The following TNIP1 variants were observed in gnomAD, a reference collection of about 807,000 sequenced individuals.
TNIP1 encodes TNFAIP3-interacting protein 1.
A neutral mutation model predicts 86.6 loss-of-function variants in TNIP1; 22 were observed. The observed-to-expected ratio is 0.25, with a 90% CI of 0.18 to 0.36. The LOEUF (loss-of-function observed/expected upper bound fraction) is 0.36. Ranked by LOEUF, TNIP1 falls within the 10% of genes least tolerant of loss-of-function variation. TNIP1 has a pLI of 1.00. For synonymous variants in TNIP1, 294 were observed against 313.0 expected (o/e 0.94, Z 0.64); for missense variants, 709 against 820.6 (o/e 0.86, Z 1.66).
upstream of TNIP1, among the ~76,000 whole-genome samples, chr5:151,083,118 A>C (rs116642115): frequency 6.6e-3 from 1,008 of 152,276 alleles, 9 homozygotes; most frequent in African/African-American, 0.023. Flanking sequence ...AGAAAACACC[A>C]CTGTCATAAA....
chr5:151,082,352 C>G (rs1479068003), upstream of TNIP1, among the ~76,000 whole-genome samples: 1 of 152,066 alleles, frequency 6.6e-6, no homozygotes, highest in African/African-American at 2.4e-5. Context: ...AGGGAGGAAG[C>G]GATGCAAACT....
intron 4 of TNIP1, among the ~76,000 whole-genome samples, chr5:151,061,468 C>A (rs76392995): frequency 0.024 from 3,609 of 150,194 alleles, 145 homozygotes; most frequent in African/African-American, 0.085. Context: ...ACTTCTCCAG[C>A]CAAATCTGTA....
intron 5 of TNIP1, among the ~76,000 whole-genome samples, chr5:151,057,937 C>T (rs1760896519): frequency 6.6e-6 from 1 of 152,270 alleles, no homozygotes; most frequent in South Asian, 2.1e-4. Flanking sequence ...TTTTGGGTAT[C>T]CTCAGGGAGT....
intron 11 of TNIP1, among the ~76,000 whole-genome samples, chr5:151,040,446 C>T (rs1423754019): frequency 1.3e-5 from 2 of 152,222 alleles, no homozygotes; most frequent in African/African-American, 4.8e-5. Flanking sequence ...TTGTTCTGGA[C>T]TCCCCATCAA....
At chr5:151,044,779 G>C (rs746952631) in intron 9 of TNIP1, among the ~76,000 whole-genome samples, 1 of 152,244 alleles carries the variant, frequency 6.6e-6, no homozygotes, top group East Asian at 1.9e-4. Flanking sequence ...GTGTGAGGAG[G>C]GGGAGGAACA....
chr5:151,052,076 G>A (rs1759999446), intron 7 of TNIP1, 89 bp downstream of exon 7: 6 of 1,191,682 alleles, frequency 5.0e-6, no homozygotes, highest in South Asian at 2.7e-5. Context: ...TCAGAGCCAC[G>A]GTCCTCAACC....
chr5:151,045,145 G>A lies in TNIP1; in HGVS notation c.936+716C>T, dbSNP rs188678481. Reference sequence around the variant, plus strand: ...CTTGCTCTGTTGCCCAGGCTGGCACGCGGTGGCACGGTCTCGGATCACTGC... The same window carrying A: ...CTTGCTCTGTTGCCCAGGCTGGCACACGGTGGCACGGTCTCGGATCACTGC... On this transcript the variant is annotated intron_variant, in intron 9 of 17. Coordinates refer to ENST00000521591, the MANE Select transcript of TNIP1 (RefSeq NM_006058.5). Among the ~76,000 whole-genome samples, 251 of 152,042 alleles carry A rather than the reference G, an allele frequency of 1.7e-3. 1 individual carries two copies. The highest frequency in any genetic ancestry group is 4.9e-3 in the African/African-American group (202 of 41,474).
chr5:151,030,070 T>G lies in TNIP1; in HGVS notation c.*643A>C, dbSNP rs1020387040. 6.6e-6 allele frequency: 3 copies of G among 456,758 alleles called. No homozygotes were observed. Among genetic ancestry groups the G allele is most frequent in the South Asian group, 4.6e-5 (3 of 64,574 alleles). 28.3% of individuals were successfully genotyped at this position (456,758 alleles called of 1,614,324 possible). A position where few individuals can be genotyped will look rare whatever the true frequency, so the allele number is the denominator to read the frequency against. On this transcript the variant is annotated 3_prime_UTR_variant, in exon 18 of 18. Transcript: ENST00000521591. ...AGCTATGGGGTCCAGGGTCTGAACC[T>G]CAGGGCCTGGCAGCTTCAGGCTGGC...
intron 1 of TNIP1, among the ~76,000 whole-genome samples, chr5:151,070,764 G>A (rs1168823932): frequency 2.6e-5 from 4 of 152,120 alleles, no homozygotes. Context: ...CAATTTCCAG[G>A]CTGGGGAAAC....
chr5:151,063,590 A>T (rs763244571), intron 3 of TNIP1, 23 bp downstream of exon 3: 3 of 1,611,742 alleles, frequency 1.9e-6, no homozygotes. Flanking sequence ...GGAGAGTCAG[A>T]GGTACCCAGA....
chr5:151,063,519 A>G, intron 3 of TNIP1, 94 bp downstream of exon 3: 1 of 1,525,798 alleles, frequency 6.6e-7, no homozygotes, highest in East Asian at 2.3e-5. Context: ...AAACGAGAGA[A>G]TGTGGGTTTT....
upstream of TNIP1, among the ~76,000 whole-genome samples, chr5:151,082,845 C>G (rs1764124918): frequency 6.6e-6 from 1 of 152,224 alleles, no homozygotes; most frequent in African/African-American, 2.4e-5. Context: ...GTGACTGCCC[C>G]CACCTCTTCC....
intron 1 of TNIP1, among the ~76,000 whole-genome samples, chr5:151,075,330 T>C (rs1763263254): frequency 1.3e-5 from 2 of 152,210 alleles, no homozygotes; most frequent in Non-Finnish European, 2.9e-5. Context: ...TTTTTTCTTT[T>C]TACTGTATTG....
rs144534366 is a variant in TNIP1, at chr5:151,057,908, G to A, written c.436-951C>T. 3.3e-5 allele frequency among the ~76,000 whole-genome samples: 5 copies of A among 152,180 alleles called. No homozygotes were observed. The East Asian group carries it at 9.6e-4, about 29-fold the overall frequency. On this transcript the variant is annotated intron_variant, in intron 5 of 17. Coordinates refer to ENST00000521591, the MANE Select transcript of TNIP1 (RefSeq NM_006058.5). ...GAACTACTACGCCATTTTACATCAG[G>A]GACTTGAGCATCCATGGATTTTGGG... is the stretch of plus-strand genomic sequence containing the variant.
At chr5:151,058,010 T>G (rs1009396571) in intron 5 of TNIP1, among the ~76,000 whole-genome samples, 34 of 152,296 alleles carry the variant, frequency 2.2e-4, no homozygotes, top group African/African-American at 7.7e-4. Context: ...AACCTCCGCC[T>G]CCTGGGTTCA....
At chr5:151,053,886 T>C (rs34294852) in intron 6 of TNIP1, among the ~76,000 whole-genome samples, 36,227 of 152,126 alleles carry the variant, frequency 0.24, 4,392 homozygotes, top group South Asian at 0.3. Flanking sequence ...GGTGTCTCTT[T>C]CCCCTGTGAT....
intron 1 of TNIP1, among the ~76,000 whole-genome samples, chr5:151,077,883 G>A (rs1165220732): frequency 6.6e-6 from 1 of 152,168 alleles, no homozygotes; most frequent in African/African-American, 2.4e-5. Context: ...CAGGCCAACT[G>A]GTCAATTCTC....
chr5:151,057,742 T>G (rs1245594632), intron 5 of TNIP1, among the ~76,000 whole-genome samples: 1 of 152,138 alleles, frequency 6.6e-6, no homozygotes. Context: ...AAAACTGTAT[T>G]GAACATGTAC....
chr5:151,077,803 T>C (rs1763555491), intron 1 of TNIP1, among the ~76,000 whole-genome samples: 1 of 152,246 alleles, frequency 6.6e-6, no homozygotes, highest in South Asian at 2.1e-4. Context: ...GCTCTGACCA[T>C]TTCCCAATGC....
Sources: gnomAD v4.1 joint callset for allele counts (sites outside exome capture counted in the v4.1 genomes callset) on GRCh38, gnomAD v4.1.1 for gene constraint, MANE v1.5 for transcripts, NCBI Gene and HGNC (gene_info 2026-07-23, HGNC 2026-07-21) for gene names.